CCDC7: variants seen among roughly 807,000 people sequenced by gnomAD.
CCDC7 encodes coiled-coil domain containing 7, also known as coiled-coil domain-containing protein 7.
A neutral mutation model predicts 196.9 loss-of-function variants in CCDC7; 183 were observed. The observed-to-expected ratio is 0.93, with a 90% CI of 0.82 to 1.05. The LOEUF is 1.05. CCDC7 is among the 50% of genes least tolerant of loss of function. The pLI is 0.00. For synonymous variants in CCDC7, 525 were observed against 484.6 expected (o/e 1.08, Z -1.10); for missense variants, 1,540 against 1,482.2 (o/e 1.04, Z -0.64).
intron 20 of CCDC7, among the ~76,000 whole-genome samples, chr10:32,661,031 AACAGGC>A (rs2071276242): frequency 6.9e-6 from 1 of 144,398 alleles, no homozygotes; most frequent in East Asian, 2.0e-4. Context: ...CATCAGAGTG[AACAGGC>A]AACCTACAAA....
intron 3 of CCDC7, among the ~76,000 whole-genome samples, chr10:32,459,345 A>G (rs2035086219): frequency 6.6e-6 from 1 of 152,120 alleles, no homozygotes; most frequent in Non-Finnish European, 1.5e-5. Flanking sequence ...CAAAAGTGGG[A>G]ACCTCTAGAG....
At chr10:32,709,332 A>C (rs1315958469) in intron 24 of CCDC7, among the ~76,000 whole-genome samples, 1 of 90,388 alleles carries the variant, frequency 1.1e-5, no homozygotes. Flanking sequence ...GGGTGGGGGG[A>C]GGGGGGAGGG....
At chr10:32,752,251 G>C (rs1352198305) in intron 28 of CCDC7, among the ~76,000 whole-genome samples, 1 of 152,110 alleles carries the variant, frequency 6.6e-6, no homozygotes, top group African/African-American at 2.4e-5. Context: ...CTAATTGAGA[G>C]CTAACACTAT....
chr10:32,492,056 A>T, intron 9 of CCDC7, 59 bp downstream of exon 10: 1 of 1,464,010 alleles, frequency 6.8e-7, no homozygotes, highest in Non-Finnish European at 9.0e-7. Flanking sequence ...AGACAGATAA[A>T]ATTGTATTTT....
chr10:32,800,920 C>A (rs2084656883), intron 29 of CCDC7, among the ~76,000 whole-genome samples: 1 of 152,206 alleles, frequency 6.6e-6, no homozygotes, highest in Non-Finnish European at 1.5e-5. Flanking sequence ...TCTAGAAACA[C>A]CGTGATTAAT....
chr10:32,662,843 G>A (rs1336176299), intron 20 of CCDC7, among the ~76,000 whole-genome samples: 2 of 152,104 alleles, frequency 1.3e-5, no homozygotes, highest in South Asian at 4.2e-4. Context: ...GTCTGAGTTT[G>A]GTAAATGATC....
intron 29 of CCDC7, among the ~76,000 whole-genome samples, chr10:32,800,657 G>C (rs767483330): frequency 6.6e-6 from 1 of 152,122 alleles, no homozygotes; most frequent in Non-Finnish European, 1.5e-5. Context: ...GGTCTCTTTG[G>C]GGAAAGATGG....
chr10:32,758,377 C>G (rs2076840026), intron 28 of CCDC7, among the ~76,000 whole-genome samples: 1 of 152,182 alleles, frequency 6.6e-6, no homozygotes, highest in Non-Finnish European at 1.5e-5. Context: ...CCGAATCCAG[C>G]AGCACATCAA....
chr10:32,529,448 C>A (rs1395438327), intron 11 of CCDC7, among the ~76,000 whole-genome samples: 1 of 152,018 alleles, frequency 6.6e-6, no homozygotes, highest in South Asian at 2.1e-4. Flanking sequence ...TTTTTTGATT[C>A]TTTGATTATG....
intron 26 of CCDC7, among the ~76,000 whole-genome samples, chr10:32,728,502 A>G (rs1465490897): frequency 6.6e-6 from 1 of 152,210 alleles, no homozygotes; most frequent in Admixed American, 6.5e-5. Context: ...CCTGTGTGTG[A>G]AAATCTCAAT....
chr10:32,797,245 G>GTA (rs765684297), intron 29 of CCDC7, among the ~76,000 whole-genome samples: 20 of 149,416 alleles, frequency 1.3e-4, no homozygotes, highest in East Asian at 1.2e-3. Flanking sequence ...ATATATATGC[G>GTA]TATATATATG....
chr10:32,670,436 A>G, intron 21 of CCDC7, among the ~76,000 whole-genome samples: 1 of 151,674 alleles, frequency 6.6e-6, no homozygotes, highest in Non-Finnish European at 1.5e-5. Context: ...ACATGTGCAC[A>G]ATGTGCAGGT....
intron 30 of CCDC7, among the ~76,000 whole-genome samples, chr10:32,805,702 A>G (rs567579631): frequency 6.6e-6 from 1 of 152,210 alleles, no homozygotes; most frequent in Non-Finnish European, 1.5e-5. Flanking sequence ...GACATACTCA[A>G]AGAGGGACCC....
At chr10:32,471,148 C>T (rs2037859984) in exon 6 of CCDC7, 1 of 1,612,524 alleles carries the variant, frequency 6.2e-7, no homozygotes, top group African/African-American at 1.3e-5. Context: ...AATAGTAAGG[C>T]TTGTACAAAG....
intron 16 of CCDC7, among the ~76,000 whole-genome samples, chr10:32,577,540 G>A (rs1418020442): frequency 6.6e-6 from 1 of 151,960 alleles, no homozygotes; most frequent in Non-Finnish European, 1.5e-5. Context: ...CCAATACCAT[G>A]GGATCTCAAC....
At chr10:32,787,481 A>T (rs1439995895) in intron 29 of CCDC7, among the ~76,000 whole-genome samples, 1 of 152,230 alleles carries the variant, frequency 6.6e-6, no homozygotes, top group Non-Finnish European at 1.5e-5. Context: ...TAGGGGAGGA[A>T]GGACAGTTTT....
At chr10:32,646,198 T>C (rs1182341474) in intron 20 of CCDC7, among the ~76,000 whole-genome samples, 4 of 151,912 alleles carry the variant, frequency 2.6e-5, no homozygotes, top group African/African-American at 9.7e-5. Flanking sequence ...ATTTTTCCTA[T>C]ATTATATAGG....
intron 16 of CCDC7, among the ~76,000 whole-genome samples, chr10:32,577,191 A>G (rs541691400): frequency 1.2e-3 from 175 of 152,026 alleles, no homozygotes; most frequent in African/African-American, 4.1e-3. Flanking sequence ...GTGAAACCCC[A>G]TCTCTACTAA....
chr10:32,722,814 G>T (rs1476766545), intron 25 of CCDC7, among the ~76,000 whole-genome samples: 8 of 152,164 alleles, frequency 5.3e-5, no homozygotes, highest in African/African-American at 1.9e-4. Context: ...TAGTGTTAGG[G>T]ATTATGGAGA....
Sources: gnomAD v4.1 joint callset for allele counts (sites outside exome capture counted in the v4.1 genomes callset) on GRCh38, gnomAD v4.1.1 for gene constraint, MANE v1.5 for transcripts, NCBI Gene and HGNC (gene_info 2026-07-23, HGNC 2026-07-21) for gene names.